TAB2: variants seen among roughly 807,000 people sequenced by gnomAD.
TAB2 encodes TGF-beta-activated kinase 1 and MAP3K7-binding protein 2.
A neutral mutation model predicts 65.0 loss-of-function variants in TAB2; 3 were observed. That is an observed-to-expected ratio of 0.05 (90% CI 0.02 to 0.12). The LOEUF is 0.12. TAB2 is among the 10% of genes least tolerant of loss of function. The pLI, the probability that TAB2 is intolerant of heterozygous loss-of-function variation, is 1.00. For synonymous variants in TAB2, 298 were observed against 285.1 expected, an observed-to-expected ratio of 1.05 and a Z score of -0.46; for missense variants, 623 against 840.3, an observed-to-expected ratio of 0.74 and a Z score of 3.20.
intron 1 of TAB2, among the ~76,000 whole-genome samples, chr6:149,228,946 T>C (rs937683515): frequency 2.0e-5 from 3 of 152,318 alleles, no homozygotes; most frequent in African/African-American, 7.2e-5. Flanking sequence ...GCTGAAAGCA[T>C]TCTCTGGAGA....
At position 149,411,141 on chromosome 6, in the gene TAB2, CAG is replaced by C. The variant is rs1304776934; in HGVS notation, c.*1423_*1424del. The C allele has an allele frequency of 6.6e-6, 1 of 152,482 alleles. No individual in the cohort carries two copies. Among genetic ancestry groups the C allele is most frequent in the Non-Finnish European group, 1.5e-5 (1 of 67,998 alleles). The allele number at this position is 152,482 out of a possible 1,614,324, so 9.4% of individuals were successfully genotyped here. A position where few individuals can be genotyped will look rare whatever the true frequency, so the allele number is the denominator to read the frequency against. Reference sequence around the variant, plus strand: ...ATATAACTGAAATCAAGAAAAAGAACAGTATGCATTTAAAAAGACAGAATTAT... The same window carrying C: ...ATATAACTGAAATCAAGAAAAAGAACTATGCATTTAAAAAGACAGAATTAT... On this transcript the variant is annotated 3_prime_UTR_variant, in exon 7 of 7. Coordinates refer to ENST00000637181, the MANE Select transcript of TAB2 (RefSeq NM_001292034.3).
intron 1 of TAB2, among the ~76,000 whole-genome samples, chr6:149,353,941 C>T (rs967106710): frequency 2.0e-5 from 3 of 152,004 alleles, no homozygotes; most frequent in African/African-American, 7.3e-5. Context: ...TGTTTTTTAA[C>T]CCACTAAAAC....
intron 1 of TAB2, among the ~76,000 whole-genome samples, chr6:149,254,125 GA>G (rs1777953730): frequency 6.8e-6 from 1 of 146,790 alleles, no homozygotes; most frequent in South Asian, 2.2e-4. Flanking sequence ...ACAGGGAAGG[GA>G]AGGGAAAGGA....
intron 3 of TAB2, among the ~76,000 whole-genome samples, chr6:149,391,892 C>T (rs117763317): frequency 2.0e-5 from 3 of 151,970 alleles, no homozygotes; most frequent in East Asian, 3.9e-4. Flanking sequence ...AATTTTTTTC[C>T]GACTCACATA....
chr6:149,220,444 G>A (rs1000349365), intron 1 of TAB2, among the ~76,000 whole-genome samples: 6 of 152,276 alleles, frequency 3.9e-5, no homozygotes, highest in Middle Eastern at 3.4e-3. Context: ...GACACCATGC[G>A]TTGGTCATTT....
At chr6:149,324,630 C>T (rs945922907) in intron 1 of TAB2, among the ~76,000 whole-genome samples, 6 of 152,028 alleles carry the variant, frequency 3.9e-5, no homozygotes, top group African/African-American at 1.5e-4. Context: ...ACTTTCCATT[C>T]CTCATCAATG....
At chr6:149,260,456 C>T (rs1048871469) in intron 1 of TAB2, among the ~76,000 whole-genome samples, 1 of 152,230 alleles carries the variant, frequency 6.6e-6, no homozygotes, top group Non-Finnish European at 1.5e-5. Context: ...TCTGCTATCA[C>T]TCCTTATACG....
At chr6:149,351,159 A>G (rs1480554054) in intron 1 of TAB2, among the ~76,000 whole-genome samples, 1 of 152,164 alleles carries the variant, frequency 6.6e-6, no homozygotes, top group East Asian at 1.9e-4. Context: ...AACACCTATT[A>G]TAACACAGTT....
intron 1 of TAB2, among the ~76,000 whole-genome samples, chr6:149,286,637 C>T (rs532611562): frequency 6.6e-5 from 10 of 152,276 alleles, no homozygotes; most frequent in African/African-American, 1.9e-4. Flanking sequence ...AGCACAAAAA[C>T]GTTCATCACT....
intron 1 of TAB2, among the ~76,000 whole-genome samples, chr6:149,289,764 T>C (rs869310931): frequency 3.3e-5 from 5 of 152,196 alleles, no homozygotes; most frequent in Non-Finnish European, 7.3e-5. Context: ...CCTGAGAACA[T>C]GCGCCTAAGT....
chr6:149,275,141 T>TTA (rs1778434509), intron 1 of TAB2, among the ~76,000 whole-genome samples: 2 of 148,104 alleles, frequency 1.4e-5, no homozygotes, highest in East Asian at 1.9e-4. Flanking sequence ...TTTTTTTTTT[T>TTA]TTGAGTTGGA....
At chr6:149,254,014 G>GA (rs1162499999) in intron 1 of TAB2, among the ~76,000 whole-genome samples, 2 of 135,642 alleles carry the variant, frequency 1.5e-5, no homozygotes, top group African/African-American at 2.7e-5. Flanking sequence ...AAGAAAGAAA[G>GA]AAAGAAAGAA....
rs1229829880 is a variant in TAB2 at position 149,411,129 on chromosome 6, C to T, written c.*1410C>T. 3.3e-5 allele frequency: 5 copies of T among 152,226 alleles called. No individual in the cohort carries two copies. Among genetic ancestry groups the T allele is most frequent in the Non-Finnish European group, 2.9e-5 (2 of 67,960 alleles). 9.4% of individuals were successfully genotyped at this position (152,226 alleles called of 1,614,324 possible). A position where few individuals can be genotyped will look rare whatever the true frequency, so the allele number is the denominator to read the frequency against. The stretch of plus-strand genomic sequence containing the variant: ...GATCAGGAATGTATATAACTGAAAT[C>T]AAGAAAAAGAACAGTATGCATTTAA... On this transcript the variant is annotated 3_prime_UTR_variant, in exon 7 of 7. Transcript: ENST00000637181.
chr6:149,404,306 A>G (rs1412443825), intron 6 of TAB2, among the ~76,000 whole-genome samples: 1 of 152,212 alleles, frequency 6.6e-6, no homozygotes, highest in East Asian at 1.9e-4. Flanking sequence ...AGATAAATAG[A>G]AACGTAGCCT....
rs138094540 is a variant in TAB2 at position 149,239,612 on chromosome 6, A to T, written c.-121+20836A>T. ...GGCAAGAAAAACCCAACTGTATTTT[A>T]TTCGAGCTGCTTCTACACACTTTAT... On this transcript the variant is annotated intron_variant, in intron 1 of 1. Transcript: ENST00000606202. Among the ~76,000 whole-genome samples the T allele has an allele frequency of 5.0e-3, 766 of 152,326 alleles. 4 individuals are homozygous for T. The highest frequency in any genetic ancestry group is 0.018 in the African/African-American group (732 of 41,568).
intron 1 of TAB2, among the ~76,000 whole-genome samples, chr6:149,254,115 ACAG>A (rs879716813): frequency 0.14 from 19,315 of 136,096 alleles, 1,812 homozygotes; most frequent in East Asian, 0.26. Flanking sequence ...GGAAGGAAGG[ACAG>A]GGAAGGGAAG....
At chr6:149,260,698 G>A (rs910757567) in intron 1 of TAB2, among the ~76,000 whole-genome samples, 11 of 152,200 alleles carry the variant, frequency 7.2e-5, no homozygotes, top group African/African-American at 2.2e-4. Flanking sequence ...GGAGGGTGGC[G>A]TGGTATTCAC....
chr6:149,309,403 C>CT (rs565648269), intron 1 of TAB2, among the ~76,000 whole-genome samples: 1,425 of 141,094 alleles, frequency 0.01, 20 homozygotes, highest in African/African-American at 0.026. Flanking sequence ...AATAATTCCT[C>CT]TTTTTTTTTT....
intron 3 of TAB2, among the ~76,000 whole-genome samples, chr6:149,388,584 G>GA (rs1334996205): frequency 6.6e-6 from 1 of 152,012 alleles, no homozygotes; most frequent in Non-Finnish European, 1.5e-5. Context: ...GTAGGTGGTT[G>GA]AAAAAAGTAT....
Sources: gnomAD v4.1 joint callset for allele counts (sites outside exome capture counted in the v4.1 genomes callset) on GRCh38, gnomAD v4.1.1 for gene constraint, MANE v1.5 for transcripts, NCBI Gene and HGNC (gene_info 2026-07-23, HGNC 2026-07-21) for gene names.